Variants in WDR89 observed in about 807,000 individuals in gnomAD.
WDR89 encodes WD repeat-containing protein 89.
WDR89 carries 17 observed loss-of-function variants against 29.1 expected under a neutral mutation model. The observed-to-expected ratio is 0.58, with a 90% CI of 0.40 to 0.88. The LOEUF (loss-of-function observed/expected upper bound fraction) is 0.88, where lower values mean the gene tolerates loss of function less well. Among genes scored for constraint, WDR89 ranks in the 40% least tolerant of loss-of-function variants. The pLI, the probability that WDR89 is intolerant of heterozygous loss-of-function variation, is 0.00. For missense variants in WDR89, 396 were observed against 456.3 expected (o/e 0.87, Z 1.20); for synonymous variants, 138 against 157.8 (o/e 0.87, Z 0.94).
chr14:63,633,543 AT>A (rs1363434775), intron 1 of WDR89, among the ~76,000 whole-genome samples: 36 of 152,236 alleles, frequency 2.4e-4, no homozygotes, highest in Admixed American at 5.2e-4. Flanking sequence ...TTGATTCACT[AT>A]TTAATTTTCC....
At chr14:63,634,521 C>CAAAA (rs536589308) in intron 1 of WDR89, among the ~76,000 whole-genome samples, 12 of 121,386 alleles carry the variant, frequency 9.9e-5, no homozygotes, top group African/African-American at 3.0e-4. Context: ...GACTCCCTCT[C>CAAAA]AAAAAAAAAA....
At chr14:63,601,733 T>C in intron 2 of WDR89, 3 of 1,460,980 alleles carry the variant, frequency 2.1e-6, no homozygotes, top group Non-Finnish European at 2.9e-6. Context: ...TCCCATAACA[T>C]GGAGGCACCA....
intron 1 of WDR89, among the ~76,000 whole-genome samples, chr14:63,636,860 G>A (rs1038389165): frequency 6.6e-5 from 10 of 152,166 alleles, no homozygotes; most frequent in African/African-American, 2.4e-4. Context: ...CTTAGGCAAG[G>A]ATTTCATGAC....
At chr14:63,627,154 T>A (rs61984043) in intron 1 of WDR89, among the ~76,000 whole-genome samples, 5,998 of 117,788 alleles carry the variant, frequency 0.051, 253 homozygotes, top group African/African-American at 0.16. Context: ...ACACACACTC[T>A]CTCTCTCTCT....
intron 2 of WDR89, among the ~76,000 whole-genome samples, chr14:63,604,814 G>A (rs1047723548): frequency 3.9e-5 from 6 of 152,104 alleles, no homozygotes; most frequent in Admixed American, 6.6e-5. Context: ...AGGACGCTGC[G>A]GTCAATGACA....
At chr14:63,634,850 A>G (rs1883627908) in intron 1 of WDR89, among the ~76,000 whole-genome samples, 1 of 149,884 alleles carries the variant, frequency 6.7e-6, no homozygotes, top group Non-Finnish European at 1.5e-5. Flanking sequence ...AGTCTGGGCA[A>G]CAAAAGCGAA....
rs1894831306 is a variant in WDR89, at chr14:63,597,059, T to A, written c.*1720A>T. ...CTGGGTAATTTATAAAGGAAAGTGT[T>A]TAATTGACTGAAGAGTTCAGCATGG... is the stretch of plus-strand genomic sequence containing the variant. On this transcript the variant is annotated 3_prime_UTR_variant, in exon 3 of 3. Coordinates refer to ENST00000620954, the MANE Select transcript of WDR89 (RefSeq NM_080666.4). 1 of 152,208 alleles carries A rather than the reference T, an allele frequency of 6.6e-6. No individual in the cohort carries two copies. Among genetic ancestry groups the A allele is most frequent in the Non-Finnish European group, 1.5e-5 (1 of 68,048 alleles). The allele number at this position is 152,208 out of a possible 1,614,324, so 9.4% of individuals were successfully genotyped here.
At chr14:63,622,043 A>G (rs1035338706) in intron 2 of WDR89, among the ~76,000 whole-genome samples, 3 of 152,238 alleles carry the variant, frequency 2.0e-5, no homozygotes, top group Non-Finnish European at 2.9e-5. Flanking sequence ...GAGGGTAAAT[A>G]TAAGACATTT....
At chr14:63,635,944 A>G (rs1400540048) in intron 1 of WDR89, among the ~76,000 whole-genome samples, 1 of 152,174 alleles carries the variant, frequency 6.6e-6, no homozygotes, top group Non-Finnish European at 1.5e-5. Context: ...TAGTGGCTCA[A>G]GCCTATAATC....
chr14:63,634,820 A>T (rs1274352760), intron 1 of WDR89, among the ~76,000 whole-genome samples: 4 of 151,228 alleles, frequency 2.6e-5, no homozygotes, highest in Admixed American at 6.6e-5. Context: ...CGGTGAGCCA[A>T]GATCGCACCA....
At chr14:63,631,147 C>G (rs1466553344) in intron 1 of WDR89, among the ~76,000 whole-genome samples, 2 of 152,114 alleles carry the variant, frequency 1.3e-5, no homozygotes, top group Non-Finnish European at 2.9e-5. Context: ...ATGACGGAGA[C>G]ACTAATTAAC....
At chr14:63,627,404 T>C (rs942951530) in intron 1 of WDR89, among the ~76,000 whole-genome samples, 4 of 152,148 alleles carry the variant, frequency 2.6e-5, no homozygotes, top group South Asian at 2.1e-4. Flanking sequence ...TATTGCCACA[T>C]AAAACAACAT....
chr14:63,602,548 A>G (rs1895119999), intron 2 of WDR89, among the ~76,000 whole-genome samples: 1 of 150,714 alleles, frequency 6.6e-6, no homozygotes, highest in African/African-American at 2.4e-5. Context: ...CAAGGCGGGC[A>G]GATCACCTGA....
chr14:63,611,837 C>G (rs1451661642), intron 2 of WDR89, among the ~76,000 whole-genome samples: 1 of 151,810 alleles, frequency 6.6e-6, no homozygotes, highest in African/African-American at 2.4e-5. Flanking sequence ...AGCAACTCTC[C>G]TGACTCAGCC....
In WDR89 at chr14:63,640,079, G is replaced by A. The variant is rs993493315; in HGVS notation, c.-138+1725C>T. Among the ~76,000 whole-genome samples, 4 of 152,194 alleles carry A rather than the reference G, an allele frequency of 2.6e-5. No individual in the cohort carries two copies. The East Asian group carries it at 7.7e-4, about 29-fold the overall frequency. ...TAAGGTAAGAATACAAACCAGGTAA[G>A]TAACATAGCTGCATTCACAGGAAAG... On this transcript the variant is annotated intron_variant, in intron 1 of 2. Transcript: ENST00000620954.
At position 63,598,609 on chromosome 14, in the gene WDR89, T is replaced by G. The variant is rs1203390486; in HGVS notation, c.*170A>C. On this transcript the variant is annotated 3_prime_UTR_variant, in exon 3 of 3. Transcript: ENST00000620954. Reference sequence around the variant, plus strand: ...TTTTATACTTAGAGGCTTTAAAATTTTTTAGAATATGTGAAGACCGGAATT... The same window carrying G: ...TTTTATACTTAGAGGCTTTAAAATTGTTTAGAATATGTGAAGACCGGAATT... 3 of 524,086 alleles carry G rather than the reference T, an allele frequency of 5.7e-6. No homozygotes were observed. The Admixed American group carries it at 1.2e-4, about 21-fold the overall frequency. The allele number at this position is 524,086 out of a possible 1,614,324, so 32.5% of individuals were successfully genotyped here. A position where few individuals can be genotyped will look rare whatever the true frequency, so the allele number is the denominator to read the frequency against.
chr14:63,627,146 A>ACTCTCTCT (rs1226820529), intron 1 of WDR89, among the ~76,000 whole-genome samples: 32 of 130,574 alleles, frequency 2.5e-4, no homozygotes, highest in African/African-American at 9.8e-4. Flanking sequence ...ACACACACAC[A>ACTCTCTCT]CACACTCTCT....
chr14:63,629,768 T>G (rs1421890235), intron 1 of WDR89, among the ~76,000 whole-genome samples: 1 of 152,164 alleles, frequency 6.6e-6, no homozygotes, highest in Non-Finnish European at 1.5e-5. Context: ...CAAACTTTAT[T>G]TTTTTTATTT....
At chr14:63,602,531 G>A (rs1233457906) in intron 2 of WDR89, among the ~76,000 whole-genome samples, 1 of 150,828 alleles carries the variant, frequency 6.6e-6, no homozygotes, top group Non-Finnish European at 1.5e-5. Flanking sequence ...CCAGCACTTT[G>A]GGAGGCCAAG....
Sources: allele counts gnomAD v4.1 joint callset (sites outside exome capture counted in the v4.1 genomes callset), GRCh38; gene constraint gnomAD v4.1.1; transcripts MANE v1.5; gene names NCBI Gene and HGNC (gene_info 2026-07-23, HGNC 2026-07-21).